KLHL29: variants seen among roughly 807,000 people sequenced by gnomAD.
KLHL29 encodes kelch-like protein 29.
A neutral mutation model predicts 80.4 loss-of-function variants in KLHL29; 21 were observed. The ratio of observed to expected loss-of-function variants is 0.26; its 90% CI spans 0.19 to 0.38. The LOEUF is 0.38. Among genes scored for constraint, KLHL29 ranks in the 10% least tolerant of loss-of-function variants. The pLI is 1.00. For synonymous variants in KLHL29, 511 were observed against 526.8 expected (o/e 0.97, Z 0.41); for missense variants, 867 against 1,223.9 (o/e 0.71, Z 4.35).
rs564096258 is a variant in KLHL29, at chr2:23,673,281, C to G, written c.941-11118C>G. On this transcript the variant is annotated intron_variant, in intron 5 of 13. Transcript: ENST00000486442. ...TGCACTATACACAAGAGGACACACT[C>G]CCACACCACGTGCTCACATGCACTG... Among the ~76,000 whole-genome samples, 23 of 129,474 alleles carry G rather than the reference C, an allele frequency of 1.8e-4. No individual in the cohort carries two copies. The East Asian group carries it at 4.7e-3, about 27-fold the overall frequency. 84.9% of individuals were successfully genotyped at this position (129,474 alleles called of 152,430 possible).
intron 2 of KLHL29, among the ~76,000 whole-genome samples, chr2:23,537,417 TACACACACACACACACACACAC>T (rs5741924): frequency 6.7e-6 from 1 of 149,050 alleles, no homozygotes; most frequent in Non-Finnish European, 1.5e-5. Context: ...GGGCAGAAAC[TACACACACACACACACACACAC>T]ACACACACAC....
At position 23,696,481 on chromosome 2, in the gene KLHL29, T is replaced by C. The variant is rs1296019199; in HGVS notation, c.2073T>C (p.Leu691=). Residue 691 remains leucine (L), a synonymous_variant, in exon 11 of 14, where the codon CTT becomes CTC. Transcript: ENST00000486442. This position sits in a 1 kb window ranked among gnomAD's most constrained non-coding sequence, Gnocchi z 5.5. ...YDGKIYTLGG[L]GVAGNVDHVE... is the part of the protein sequence containing the mutation. ...GGAAGATTTACACCCTCGGGGGACT[T>C]GGCGTGGCAGGCAACGTGGACCACG... 4 of 1,543,106 alleles carry C rather than the reference T, an allele frequency of 2.6e-6. No homozygotes were observed. The highest frequency in any genetic ancestry group is 3.5e-6 in the Non-Finnish European group (4 of 1,143,058).
chr2:23,586,063 C>T (rs1422375455), intron 3 of KLHL29, among the ~76,000 whole-genome samples: 1 of 152,088 alleles, frequency 6.6e-6, no homozygotes, highest in Non-Finnish European at 1.5e-5. Flanking sequence ...TCTGGGGAGG[C>T]TTAACTATCT....
intron 3 of KLHL29, among the ~76,000 whole-genome samples, chr2:23,621,378 G>T (rs1669178539): frequency 6.6e-6 from 1 of 152,350 alleles, no homozygotes; most frequent in Non-Finnish European, 1.5e-5. Context: ...GGCCTCCTGA[G>T]TCCCTGCCCT....
At position 23,412,128 on chromosome 2, in the gene KLHL29, G is replaced by GCT. The variant is rs1558328527; in HGVS notation, c.-154+26348_-154+26349insCT. ...CAAAAATGTGTGTGCGTGAAGGGGG[G>GCT]GGGGGGGCGGTGCGGTAGAGGTAGG... is the stretch of plus-strand genomic sequence containing the variant. On this transcript the variant is annotated intron_variant, in intron 1 of 13. Transcript: ENST00000486442. Among the ~76,000 whole-genome samples the GCT allele has an allele frequency of 1.4e-5, 2 of 148,050 alleles. 1 individual carries two copies. Among genetic ancestry groups the GCT allele is most frequent in the South Asian group, 4.3e-4 (2 of 4,652 alleles).
intron 1 of KLHL29, among the ~76,000 whole-genome samples, chr2:23,441,282 G>T (rs1189995524): frequency 2.2e-5 from 3 of 135,864 alleles, no homozygotes; most frequent in Non-Finnish European, 4.6e-5. Flanking sequence ...TGAACAATGA[G>T]AATACATGGA....
At chr2:23,636,101 A>C (rs528624074) in intron 3 of KLHL29, among the ~76,000 whole-genome samples, 51 of 152,198 alleles carry the variant, frequency 3.4e-4, no homozygotes, top group Admixed American at 6.5e-4. Context: ...AGAAGCTTCC[A>C]GAACCCGGGG....
chr2:23,542,341 G>A (rs1164005702), intron 2 of KLHL29, among the ~76,000 whole-genome samples: 1 of 152,124 alleles, frequency 6.6e-6, no homozygotes, highest in Non-Finnish European at 1.5e-5. Context: ...GCCTAGGGAG[G>A]CTTGTGCAGA....
intron 2 of KLHL29, among the ~76,000 whole-genome samples, chr2:23,549,729 G>A (rs1667073832): frequency 6.6e-6 from 1 of 152,200 alleles, no homozygotes; most frequent in Non-Finnish European, 1.5e-5. Context: ...AGCTCCAGTG[G>A]GCAGTGTGAA....
At chr2:23,525,753 A>T (rs1452161068) in intron 2 of KLHL29, among the ~76,000 whole-genome samples, 1 of 126,348 alleles carries the variant, frequency 7.9e-6, no homozygotes, top group Non-Finnish European at 1.6e-5. Context: ...GAGGCGAGCC[A>T]GCAGAGCCAG....
At chr2:23,649,653 A>G (rs976003874) in intron 5 of KLHL29, among the ~76,000 whole-genome samples, 12 of 152,240 alleles carry the variant, frequency 7.9e-5, no homozygotes, top group Admixed American at 7.2e-4. Flanking sequence ...ATCTCCGCTG[A>G]GCATCTTCAA....
At chr2:23,510,500 G>A (rs550008904) in intron 2 of KLHL29, among the ~76,000 whole-genome samples, 182 of 152,336 alleles carry the variant, frequency 1.2e-3, no homozygotes, top group African/African-American at 4.1e-3. Flanking sequence ...CTTTGCTGTG[G>A]GTCTGTCCAT....
rs929587554 is a variant in KLHL29, at chr2:23,475,587, G to A, written c.-126G>A. 2.6e-4 allele frequency: 44 copies of A among 166,504 alleles called. No homozygotes were observed. The highest frequency in any genetic ancestry group is 1.0e-3 in the African/African-American group (42 of 41,186). 10.3% of individuals were successfully genotyped at this position (166,504 alleles called of 1,614,324 possible). Reference sequence around the variant, plus strand: ...TATCTGGCTTCCTGGTGATGCTCACGCTTTGCTAAGTGTTGGCGGCCATCG... The same window carrying A: ...TATCTGGCTTCCTGGTGATGCTCACACTTTGCTAAGTGTTGGCGGCCATCG... On this transcript the variant is annotated 5_prime_UTR_variant, in exon 2 of 14. Transcript: ENST00000486442.
chr2:23,465,390 G>C (rs918894648), intron 1 of KLHL29, among the ~76,000 whole-genome samples: 1 of 152,208 alleles, frequency 6.6e-6, no homozygotes, highest in Non-Finnish European at 1.5e-5. Context: ...TGTGTGTGAG[G>C]GCACCTAGCA....
chr2:23,439,142 G>A (rs1467267577), intron 1 of KLHL29, among the ~76,000 whole-genome samples: 2 of 150,340 alleles, frequency 1.3e-5, no homozygotes, highest in Non-Finnish European at 3.0e-5. Flanking sequence ...TATTTCTGTG[G>A]GATTGGTGGT....
intron 3 of KLHL29, among the ~76,000 whole-genome samples, chr2:23,580,706 C>A (rs1365997825): frequency 1.3e-5 from 1 of 76,590 alleles, no homozygotes; most frequent in African/African-American, 3.4e-5. Flanking sequence ...AGGCCAGGCG[C>A]GGTGGCTCAC....
rs376731970 is a variant in KLHL29 at position 23,642,661 on chromosome 2, G to A, written c.751G>A (p.Ala251Thr). 52 of 1,548,094 alleles carry A rather than the reference G, an allele frequency of 3.4e-5. No homozygotes were observed. The Middle Eastern group carries it at 6.8e-4, about 20-fold the overall frequency. ...VGQVARPGPTAVGNGHMAGPL... is the reference protein window; with the variant it reads ...VGQVARPGPTTVGNGHMAGPL... ...GCAGGTGGCCCGCCCAGGACCCACC[G>A]CTGTGGGCAACGGCCACATGGCAGG... The change falls in exon 5 of 14, where the codon GCT (alanine) becomes ACT (threonine). Residue 251 changes from alanine to threonine, a missense_variant. This residue lies in a region of KLHL29 where 424 missense variants were observed against 456.9 expected (regional missense o/e 0.93). Transcript: ENST00000486442.
chr2:23,686,141 G>T (rs1671248114), intron 6 of KLHL29, among the ~76,000 whole-genome samples: 1 of 121,606 alleles, frequency 8.2e-6, no homozygotes, highest in Non-Finnish European at 1.7e-5. Context: ...GCATGAGTGG[G>T]GAAGGGCAGG....
intron 2 of KLHL29, among the ~76,000 whole-genome samples, chr2:23,534,259 G>A (rs766976339): frequency 6.6e-6 from 1 of 152,110 alleles, no homozygotes; most frequent in Non-Finnish European, 1.5e-5. Context: ...ATTGCAGTTA[G>A]TATGACTTAC....
Sources: allele counts gnomAD v4.1 joint callset (sites outside exome capture counted in the v4.1 genomes callset), GRCh38; gene constraint gnomAD v4.1.1; regional missense constraint gnomAD v4.1.1; non-coding constraint Gnocchi (gnomAD v3.1); transcripts MANE v1.5; gene names NCBI Gene and HGNC (gene_info 2026-07-23, HGNC 2026-07-21).